Variants in NBEA observed in about 807,000 individuals in gnomAD.
NBEA encodes neurobeachin.
In NBEA, 44 loss-of-function variants were observed where a neutral mutation model predicts 343.4. The observed-to-expected ratio is 0.13, with a 90% CI of 0.10 to 0.16. NBEA has a LOEUF of 0.16. NBEA is among the 10% of genes least tolerant of loss of function. NBEA has a pLI of 1.00. For synonymous variants in NBEA, 1,175 were observed against 1,238.7 expected, an observed-to-expected ratio of 0.95 and a Z score of 1.08; for missense variants, 2,555 against 3,631.3, an observed-to-expected ratio of 0.70 and a Z score of 7.62.
chr13:35,053,545 C>G (rs577262238), intron 6 of NBEA, among the ~76,000 whole-genome samples: 3 of 152,184 alleles, frequency 2.0e-5, no homozygotes, highest in Admixed American at 2.0e-4. Flanking sequence ...TAGATACTCT[C>G]TATTCTCATA....
intron 36 of NBEA, among the ~76,000 whole-genome samples, chr13:35,322,691 C>T (rs1335376521): frequency 6.6e-6 from 1 of 152,158 alleles, no homozygotes; most frequent in Non-Finnish European, 1.5e-5. Flanking sequence ...AAATTACCTG[C>T]ATACATCTTA....
At chr13:35,070,984 G>A (rs1005562509) in intron 10 of NBEA, 132 bp downstream of exon 10, 3 of 913,620 alleles carry the variant, frequency 3.3e-6, no homozygotes, top group African/African-American at 3.4e-5. Context: ...AAATTTTTTA[G>A]AACTAATGGA....
intron 39 of NBEA, among the ~76,000 whole-genome samples, chr13:35,437,411 C>G (rs889925233): frequency 1.3e-5 from 2 of 152,066 alleles, no homozygotes; most frequent in South Asian, 4.1e-4. Context: ...ACTTGGTTGA[C>G]CTTTTTCAGT....
chr13:35,583,545 G>GTA lies in NBEA; in HGVS notation c.7036-351_7036-350dup, dbSNP rs543344154. Among the ~76,000 whole-genome samples, 208 of 152,212 alleles carry GTA rather than the reference G, an allele frequency of 1.4e-3. 1 individual carries two copies. Among genetic ancestry groups the GTA allele is most frequent in the Non-Finnish European group, 2.5e-3 (172 of 68,016 alleles). On this transcript the variant is annotated intron_variant, in intron 45 of 58. Coordinates refer to ENST00000379939, the MANE Select transcript of NBEA (RefSeq NM_001385012.1). ...TCACCTTCCCTCCATTGGGTTTCCT[G>GTA]TATTCCAAGCTAAATTTTCATTATG...
At chr13:35,446,375 C>T (rs2046043990) in intron 39 of NBEA, among the ~76,000 whole-genome samples, 1 of 152,118 alleles carries the variant, frequency 6.6e-6, no homozygotes, top group South Asian at 2.1e-4. Flanking sequence ...AGTTCTAGAT[C>T]CCTGAGGAAT....
At chr13:35,413,405 C>T (rs1047781333) in intron 38 of NBEA, among the ~76,000 whole-genome samples, 9 of 152,120 alleles carry the variant, frequency 5.9e-5, no homozygotes, top group Non-Finnish European at 7.4e-5. Context: ...ACTCTTTCCT[C>T]TGTTCCATTG....
chr13:35,133,142 C>T lies in NBEA; in HGVS notation c.2337-9127C>T, dbSNP rs548031187. On this transcript the variant is annotated intron_variant, in intron 17 of 58. Coordinates refer to ENST00000379939, the MANE Select transcript of NBEA (RefSeq NM_001385012.1). ...ACAGTGGATTTGTATCCTAAACATA[C>T]GAAAAAAATTGTGCAAATAAATTAG... Among the ~76,000 whole-genome samples, 22 of 150,778 alleles carry T rather than the reference C, an allele frequency of 1.5e-4. 1 individual carries two copies. The South Asian group carries it at 2.7e-3, about 19-fold the overall frequency.
chr13:35,654,234 C>A (rs979232936), intron 53 of NBEA, among the ~76,000 whole-genome samples: 1 of 152,148 alleles, frequency 6.6e-6, no homozygotes, highest in East Asian at 1.9e-4. Flanking sequence ...TTGCCTGTCT[C>A]TTTCCTCCCC....
At chr13:35,637,118 G>A (rs1296800446) in intron 49 of NBEA, among the ~76,000 whole-genome samples, 5 of 152,144 alleles carry the variant, frequency 3.3e-5, no homozygotes, top group Non-Finnish European at 7.3e-5. Context: ...ATTTGTATCA[G>A]TCAGGATCTC....
chr13:35,632,639 C>G (rs532151001), intron 49 of NBEA, among the ~76,000 whole-genome samples: 1 of 152,184 alleles, frequency 6.6e-6, no homozygotes, highest in East Asian at 1.9e-4. Flanking sequence ...GACAGTCTCA[C>G]TCTGTCACCA....
chr13:35,466,961 A>G (rs1187746734), intron 40 of NBEA, among the ~76,000 whole-genome samples: 1 of 152,226 alleles, frequency 6.6e-6, no homozygotes, highest in South Asian at 2.1e-4. Context: ...AAATTTGGGA[A>G]TCTAAAATTT....
intron 30 of NBEA, among the ~76,000 whole-genome samples, chr13:35,185,015 G>T (rs548541999): frequency 1.3e-5 from 2 of 152,078 alleles, no homozygotes; most frequent in African/African-American, 2.4e-5. Context: ...TGACCTAATC[G>T]CATGAGCTCT....
intron 38 of NBEA, among the ~76,000 whole-genome samples, chr13:35,396,904 C>T (rs776082412): frequency 3.3e-5 from 5 of 152,188 alleles, no homozygotes; most frequent in Middle Eastern, 3.4e-3. Flanking sequence ...TCAGATAGTC[C>T]TGTTGGCTCT....
intron 37 of NBEA, 91 bp from the exon 38 acceptor site, chr13:35,352,066 A>T (rs2040226618): frequency 1.1e-5 from 8 of 752,748 alleles, no homozygotes; most frequent in African/African-American, 1.8e-5. Context: ...AAAAAGTTGA[A>T]TTCCTGTTAC....
At chr13:35,380,172 C>T (rs543753942) in intron 38 of NBEA, among the ~76,000 whole-genome samples, 2 of 152,116 alleles carry the variant, frequency 1.3e-5, no homozygotes, top group South Asian at 2.1e-4. Flanking sequence ...TGGCCGGGCA[C>T]GGTGGCTCAC....
At chr13:35,607,456 A>G (rs1207733131) in intron 48 of NBEA, among the ~76,000 whole-genome samples, 3 of 152,214 alleles carry the variant, frequency 2.0e-5, no homozygotes, top group Non-Finnish European at 4.4e-5. Context: ...TTTAATCCCA[A>G]CATGGTTATA....
chr13:35,090,604 C>T (rs1384077376), intron 10 of NBEA, among the ~76,000 whole-genome samples: 1 of 151,788 alleles, frequency 6.6e-6, no homozygotes, highest in Non-Finnish European at 1.5e-5. Flanking sequence ...TGCTATATGC[C>T]AATATCTGGG....
intron 4 of NBEA, among the ~76,000 whole-genome samples, chr13:35,047,790 T>C (rs1379377208): frequency 2.8e-4 from 1 of 3,540 alleles, no homozygotes; most frequent in African/African-American, 6.9e-4. Context: ...AAGGCCATTA[T>C]CAGCAACATG....
intron 48 of NBEA, among the ~76,000 whole-genome samples, chr13:35,619,630 A>G (rs2082891988): frequency 1.3e-5 from 2 of 152,118 alleles, no homozygotes; most frequent in Admixed American, 1.3e-4. Context: ...CAGATAAGGA[A>G]TGGATCTCCA....
Sources: allele counts gnomAD v4.1 joint callset (sites outside exome capture counted in the v4.1 genomes callset), GRCh38; gene constraint gnomAD v4.1.1; transcripts MANE v1.5; gene names NCBI Gene and HGNC (gene_info 2026-07-23, HGNC 2026-07-21).